C1orf159: variants seen among roughly 807,000 people sequenced by gnomAD.
C1orf159 encodes chromosome 1 open reading frame 159.
C1orf159 carries 19 observed loss-of-function variants against 25.6 expected under a neutral mutation model. The ratio of observed to expected loss-of-function variants is 0.74; its 90% CI spans 0.52 to 1.09. C1orf159 has a LOEUF of 1.09. Among genes scored for constraint, C1orf159 ranks in the 50% least tolerant of loss-of-function variants. The pLI is 0.00. For missense variants in C1orf159, 274 were observed against 290.6 expected, an observed-to-expected ratio of 0.94 and a Z score of 0.42; for synonymous variants, 139 against 124.7, an observed-to-expected ratio of 1.12 and a Z score of -0.77.
chr1:1,115,246 C>T (rs1244255667), intron 1 of C1orf159, among the ~76,000 whole-genome samples: 1 of 150,824 alleles, frequency 6.6e-6, no homozygotes. Flanking sequence ...TACACCCAAA[C>T]TCAATCATCG....
chr1:1,085,966 A>C lies in C1orf159; in HGVS notation c.357T>G (p.Ile119Met), dbSNP rs10907177. ...CTACGGAGAGGATGAGGCCGGAGCT[A>C]ATGAAGAACGTGCCCAGGAAGAGGG... Reference protein sequence around the residue: ...AASLFLGTFFISSGLILSVAG... With the variant: ...AASLFLGTFFMSSGLILSVAG... The change falls in exon 7 of 10, where the codon ATT (isoleucine) becomes ATG (methionine). Residue 119 changes from isoleucine (I) to methionine (M), a missense_variant. Coordinates refer to ENST00000421241, the MANE Select transcript of C1orf159 (RefSeq NM_017891.5). The C allele has an allele frequency of 1.9e-6, 3 of 1,613,062 alleles. No individual in the cohort carries two copies. Among genetic ancestry groups the C allele is most frequent in the Non-Finnish European group, 1.7e-6 (2 of 1,179,750 alleles).
intron 1 of C1orf159, among the ~76,000 whole-genome samples, chr1:1,109,181 G>A (rs953659246): frequency 1.2e-4 from 18 of 152,262 alleles, no homozygotes; most frequent in South Asian, 4.1e-4. Flanking sequence ...TATACAGACC[G>A]TGGAATATTC....
rs899893104 is a variant in C1orf159 at position 1,105,201 on chromosome 1, G to C, written c.-136+10859C>G. 3.3e-5 allele frequency among the ~76,000 whole-genome samples: 5 copies of C among 152,336 alleles called. No homozygotes were observed. The South Asian group carries it at 1.0e-3, about 32-fold the overall frequency. ...TGTTCAGTATGTCTGGCCAACTACC[G>C]TAAAAGTTTATAGAAATTTTCAATT... is the stretch of plus-strand genomic sequence containing the variant. On this transcript the variant is annotated intron_variant, in intron 1 of 9. Transcript: ENST00000421241.
At chr1:1,098,653 T>C (rs1278671379) in intron 1 of C1orf159, among the ~76,000 whole-genome samples, 2 of 152,016 alleles carry the variant, frequency 1.3e-5, no homozygotes. Context: ...AGTTTTGCTC[T>C]TCTTGCCCAG....
At chr1:1,102,676 T>C (rs1303171065) in intron 1 of C1orf159, among the ~76,000 whole-genome samples, 12 of 142,326 alleles carry the variant, frequency 8.4e-5, no homozygotes, top group South Asian at 4.4e-4. Context: ...TGGGCACCTG[T>C]AGTCCCAGCT....
rs539822813 is a variant in C1orf159 at position 1,091,161 on chromosome 1, G to A, written c.72+311C>T. 7.4e-4 allele frequency: 462 copies of A among 621,982 alleles called. 1 individual carries two copies. Among genetic ancestry groups the A allele is most frequent in the Non-Finnish European group, 1.1e-3 (393 of 353,138 alleles). 38.5% of individuals were successfully genotyped at this position (621,982 alleles called of 1,614,324 possible). On this transcript the variant is annotated intron_variant, in intron 3 of 9. Coordinates refer to ENST00000421241, the MANE Select transcript of C1orf159 (RefSeq NM_017891.5). The stretch of plus-strand genomic sequence containing the variant: ...TGGAGCCGCCGCAGCTACACTCCCC[G>A]ATAGCGATGCGCGGCACGCTGTGCT...
intron 1 of C1orf159, among the ~76,000 whole-genome samples, chr1:1,106,406 T>C (rs6604969): frequency 0.24 from 36,390 of 152,096 alleles, 5,886 homozygotes; most frequent in African/African-American, 0.46. Context: ...CCCTTGTGCA[T>C]GCTGCTGAGA....
intron 2 of C1orf159, 114 bp from the exon 3 acceptor site, chr1:1,091,679 A>G (rs1645939165): frequency 2.1e-6 from 1 of 473,790 alleles, no homozygotes; most frequent in African/African-American, 2.2e-5. Flanking sequence ...GGCCAAGGCA[A>G]GGAGGGCAGA....
At chr1:1,083,941 C>A (rs545568154) in intron 9 of C1orf159, 28 of 1,597,288 alleles carry the variant, frequency 1.8e-5, no homozygotes, top group Non-Finnish European at 2.1e-5. Context: ...TCCGCCTGAC[C>A]CAGCACCACT....
intron 9 of C1orf159, 190 bp downstream of exon 9, chr1:1,084,163 A>C (rs372647370): frequency 3.8e-5 from 59 of 1,543,122 alleles, no homozygotes; most frequent in Non-Finnish European, 5.0e-5. Flanking sequence ...AATCCAGCTG[A>C]GATCCAGAGC....
At chr1:1,101,800 G>A (rs916053443) in intron 1 of C1orf159, among the ~76,000 whole-genome samples, 1 of 152,034 alleles carries the variant, frequency 6.6e-6, no homozygotes, top group African/African-American at 2.4e-5. Context: ...GGCTGGGTGT[G>A]GTGGCTTACA....
intron 3 of C1orf159, chr1:1,090,777 C>T (rs2100749506): frequency 9.6e-7 from 1 of 1,037,970 alleles, no homozygotes; most frequent in Non-Finnish European, 1.5e-6. Flanking sequence ...TCCGCTTGAC[C>T]CCACAGAGGA....
At chr1:1,085,809 C>T in intron 7 of C1orf159, 69 bp downstream of exon 7, 2 of 1,573,984 alleles carry the variant, frequency 1.3e-6, no homozygotes, top group Non-Finnish European at 1.7e-6. Context: ...CAGTCTCAGG[C>T]CCATCTCCAC....
Position 1,092,068 on chromosome 1 carries a change from T to G in C1orf159, c.-100A>C, listed in dbSNP as rs1645948205. On this transcript the variant is annotated 5_prime_UTR_variant, in exon 2 of 10. It removes an upstream start codon present in the reference 5' UTR. Coordinates refer to ENST00000421241, the MANE Select transcript of C1orf159 (RefSeq NM_017891.5). Reference sequence around the variant, plus strand: ...TTCAGGGGTTAGCTCTGGGAGCTCATGGGCTCAGCTGAGCCCTGCAGACCC... The same window carrying G: ...TTCAGGGGTTAGCTCTGGGAGCTCAGGGGCTCAGCTGAGCCCTGCAGACCC... 1 of 452,838 alleles carries G rather than the reference T, an allele frequency of 2.2e-6. No individual in the cohort carries two copies. 28.1% of individuals were successfully genotyped at this position (452,838 alleles called of 1,614,324 possible).
rs374160739 is a variant in C1orf159, at chr1:1,090,472, G to A, written c.73-44C>T. On this transcript the variant is annotated intron_variant, in intron 3 of 9. Transcript: ENST00000421241. ...TGAAACTCCAGGACGCGCCTGCCAG[G>A]CAGGCTCACGCCCAGAGCAGCAGCG... The A allele has an allele frequency of 5.3e-4, 813 of 1,538,110 alleles. 7 individuals carry two copies. The African/African-American group carries it at 9.9e-3, about 19-fold the overall frequency.
At chr1:1,111,970 C>T (rs1646262627) in intron 1 of C1orf159, among the ~76,000 whole-genome samples, 2 of 152,192 alleles carry the variant, frequency 1.3e-5, no homozygotes, top group South Asian at 4.1e-4. Flanking sequence ...AGGAGACATC[C>T]CCCTTTGTTG....
chr1:1,108,948 C>T (rs59804363), intron 1 of C1orf159, among the ~76,000 whole-genome samples: 9 of 98,764 alleles, frequency 9.1e-5, no homozygotes, highest in African/African-American at 3.5e-4. Context: ...TCGGCAGCAC[C>T]GTTCACCACA....
Position 1,082,176 on chromosome 1 carries a change from G to A in C1orf159, c.*717C>T, listed in dbSNP as rs917295294. ...ATGTGGGCCTGCCCCACGTGGGCAG[G>A]GATCAGCCAGGCATGGGGGTCCAGC... On this transcript the variant is annotated 3_prime_UTR_variant, in exon 10 of 10. Transcript: ENST00000421241. 1.3e-5 allele frequency: 2 copies of A among 152,808 alleles called. No individual in the cohort carries two copies. Among genetic ancestry groups the A allele is most frequent in the African/African-American group, 4.8e-5 (2 of 41,476 alleles). 9.5% of individuals were successfully genotyped at this position (152,808 alleles called of 1,614,324 possible).
intron 1 of C1orf159, among the ~76,000 whole-genome samples, chr1:1,104,608 T>G (rs1159113809): frequency 6.6e-6 from 1 of 152,100 alleles, no homozygotes; most frequent in East Asian, 1.9e-4. Flanking sequence ...CTGGTGTTGC[T>G]TCCCAGGTGC....
Sources: allele counts gnomAD v4.1 joint callset (sites outside exome capture counted in the v4.1 genomes callset), GRCh38; gene constraint gnomAD v4.1.1; transcripts MANE v1.5; gene names NCBI Gene and HGNC (gene_info 2026-07-23, HGNC 2026-07-21).